The following CCSER1 variants were observed in gnomAD, a reference collection of about 807,000 sequenced individuals.
The protein encoded by CCSER1 is coiled-coil serine rich protein 1.
A neutral mutation model predicts 82.0 loss-of-function variants in CCSER1; 41 were observed. That is an observed-to-expected ratio of 0.50 (90% CI 0.39 to 0.65). The LOEUF is 0.65. Among genes scored for constraint, CCSER1 ranks in the 30% least tolerant of loss-of-function variants. The pLI, the probability that CCSER1 is intolerant of heterozygous loss-of-function variation, is 0.00. For missense variants in CCSER1, 1,119 were observed against 1,064.2 expected (o/e 1.05, Z -0.72); for synonymous variants, 414 against 383.9 (o/e 1.08, Z -0.92).
intron 7 of CCSER1, chr4:90,727,159 C>A: frequency 2.3e-6 from 1 of 441,206 alleles, no homozygotes. Context: ...TATTTGGAAA[C>A]AAAAGGCAAA....
intron 10 of CCSER1, among the ~76,000 whole-genome samples, chr4:91,187,832 C>T (rs1412233072): frequency 6.6e-6 from 1 of 152,060 alleles, no homozygotes; most frequent in African/African-American, 2.4e-5. Context: ...GGATTACAGG[C>T]GTGAGTCACC....
chr4:91,395,522 T>A (rs1225498036), intron 10 of CCSER1, among the ~76,000 whole-genome samples: 1 of 152,078 alleles, frequency 6.6e-6, no homozygotes, highest in Admixed American at 6.6e-5. Flanking sequence ...TGAGGAGATC[T>A]GATCACATTG....
At chr4:91,459,530 GC>G (rs1421743307) in intron 10 of CCSER1, among the ~76,000 whole-genome samples, 1 of 152,208 alleles carries the variant, frequency 6.6e-6, no homozygotes, top group East Asian at 1.9e-4. Flanking sequence ...GATATACGTG[GC>G]TCTCCAAGGT....
intron 10 of CCSER1, among the ~76,000 whole-genome samples, chr4:91,105,035 A>G (rs993713408): frequency 1.3e-5 from 2 of 152,138 alleles, no homozygotes; most frequent in Non-Finnish European, 2.9e-5. Flanking sequence ...GTAATTTCTC[A>G]TCATCCACCT....
intron 10 of CCSER1, among the ~76,000 whole-genome samples, chr4:91,383,793 A>G (rs1751094349): frequency 1.3e-5 from 2 of 152,168 alleles, no homozygotes; most frequent in South Asian, 2.1e-4. Flanking sequence ...TAGCCTGAAT[A>G]TTTATTTTTA....
chr4:90,736,231 T>G (rs879611083), intron 7 of CCSER1, among the ~76,000 whole-genome samples: 2 of 152,132 alleles, frequency 1.3e-5, no homozygotes, highest in Non-Finnish European at 2.9e-5. Context: ...ATTTGGCCTG[T>G]TGTCCAGATT....
At chr4:90,713,478 T>C (rs1311255504) in intron 6 of CCSER1, among the ~76,000 whole-genome samples, 1 of 152,086 alleles carries the variant, frequency 6.6e-6, no homozygotes, top group Admixed American at 6.6e-5. Flanking sequence ...GCCCCCACTC[T>C]CTTCTGGCTT....
chr4:90,490,634 G>A (rs747381868), intron 5 of CCSER1, among the ~76,000 whole-genome samples: 3 of 152,068 alleles, frequency 2.0e-5, no homozygotes, highest in Admixed American at 1.3e-4. Context: ...AGGTTTTCTT[G>A]TAGGGATTTT....
At chr4:91,526,476 A>G (rs1760769800) in intron 10 of CCSER1, among the ~76,000 whole-genome samples, 1 of 152,216 alleles carries the variant, frequency 6.6e-6, no homozygotes. Context: ...GGGCTGTGTC[A>G]TGGGCCATGA....
At chr4:90,969,704 A>C (rs1734904883) in intron 9 of CCSER1, among the ~76,000 whole-genome samples, 1 of 152,126 alleles carries the variant, frequency 6.6e-6, no homozygotes, top group East Asian at 1.9e-4. Context: ...GAAGCAAAAT[A>C]TGCTGTTTGG....
chr4:90,737,846 C>CT (rs1372099869), intron 7 of CCSER1, among the ~76,000 whole-genome samples: 1 of 152,088 alleles, frequency 6.6e-6, no homozygotes, highest in Non-Finnish European at 1.5e-5. Context: ...AGGCTTATTA[C>CT]TTTTTTATTC....
In CCSER1 at chr4:90,483,304, A is replaced by G. The variant is rs376547001; in HGVS notation, c.1724+14950A>G. On this transcript the variant is annotated intron_variant, in intron 5 of 10. Coordinates refer to ENST00000509176, the MANE Select transcript of CCSER1 (RefSeq NM_001145065.2). The stretch of plus-strand genomic sequence containing the variant: ...ATGGGTCTCCTGAATACAGCACACT[A>G]ATGGGTCTTGACTCTTTATCCAATT... Among the ~76,000 whole-genome samples, 188 of 152,192 alleles carry G rather than the reference A, an allele frequency of 1.2e-3. 2 individuals are homozygous for G. The highest frequency in any genetic ancestry group is 0.012 in the East Asian group (61 of 5,160).
chr4:90,369,548 A>G (rs895094093), intron 3 of CCSER1, among the ~76,000 whole-genome samples: 2 of 152,010 alleles, frequency 1.3e-5, no homozygotes, highest in East Asian at 1.9e-4. Flanking sequence ...TGAAGTAATA[A>G]TTTTCTTGGA....
At chr4:90,562,254 G>C (rs1472672338) in intron 5 of CCSER1, among the ~76,000 whole-genome samples, 1 of 150,728 alleles carries the variant, frequency 6.6e-6, no homozygotes, top group Non-Finnish European at 1.5e-5. Context: ...AGCATACTGT[G>C]TACTCTCCAG....
chr4:91,159,778 C>T (rs1358061800), intron 10 of CCSER1, among the ~76,000 whole-genome samples: 1 of 151,778 alleles, frequency 6.6e-6, no homozygotes, highest in Non-Finnish European at 1.5e-5. Flanking sequence ...TTTTGATGAA[C>T]AAAAACATAA....
At chr4:90,130,510 G>T (rs1722634285) in intron 1 of CCSER1, among the ~76,000 whole-genome samples, 1 of 152,194 alleles carries the variant, frequency 6.6e-6, no homozygotes, top group African/African-American at 2.4e-5. Flanking sequence ...TAATAGAAAA[G>T]AACATATAAG....
At chr4:90,258,329 A>G (rs909169070) in intron 1 of CCSER1, among the ~76,000 whole-genome samples, 3 of 152,162 alleles carry the variant, frequency 2.0e-5, no homozygotes, top group South Asian at 4.1e-4. Flanking sequence ...CTTGGCCAAC[A>G]TGGTAACACC....
At chr4:91,124,428 T>C (rs1376165188) in intron 10 of CCSER1, among the ~76,000 whole-genome samples, 1 of 151,730 alleles carries the variant, frequency 6.6e-6, no homozygotes, top group Non-Finnish European at 1.5e-5. Context: ...ATTATTTTTT[T>C]CCCAAAGTGT....
chr4:91,523,514 T>C (rs1760612575), intron 10 of CCSER1, among the ~76,000 whole-genome samples: 1 of 152,158 alleles, frequency 6.6e-6, no homozygotes, highest in Admixed American at 6.6e-5. Flanking sequence ...TGGACTTCTT[T>C]TTGTTGGTAG....
Sources: allele counts gnomAD v4.1 joint callset (sites outside exome capture counted in the v4.1 genomes callset), GRCh38; gene constraint gnomAD v4.1.1; transcripts MANE v1.5; gene names NCBI Gene and HGNC (gene_info 2026-07-23, HGNC 2026-07-21).